TSHZ2: variants seen among roughly 807,000 people sequenced by gnomAD.
The protein encoded by TSHZ2 is teashirt zinc finger homeobox 2, also known as teashirt homolog 2.
TSHZ2 carries 21 observed loss-of-function variants against 74.4 expected under a neutral mutation model. That is an observed-to-expected ratio of 0.28 (90% CI 0.20 to 0.41). The LOEUF (loss-of-function observed/expected upper bound fraction) is 0.41. TSHZ2 is among the 10% of genes least tolerant of loss of function. The pLI is 1.00. For synonymous variants in TSHZ2, 540 were observed against 515.3 expected (o/e 1.05, Z -0.65); for missense variants, 1,244 against 1,293.5 (o/e 0.96, Z 0.59).
Position 53,254,307 on chromosome 20 carries a change from C to G in TSHZ2, c.849C>G (p.Ser283=). 1.2e-6 allele frequency: 2 copies of G among 1,614,138 alleles called. No individual in the cohort carries two copies. Among genetic ancestry groups the G allele is most frequent in the Middle Eastern group, 1.6e-4 (1 of 6,062 alleles). Residue 283 remains serine, a synonymous_variant, in exon 2 of 3, where the codon TCC becomes TCG. Transcript: ENST00000371497. ...KVLKCMFCGD[S]FDSLQDLSVH... Reference sequence around the variant, plus strand: ...TGAAATGTATGTTTTGTGGCGACTCCTTTGATTCCCTCCAAGATTTGAGCG... The same window carrying G: ...TGAAATGTATGTTTTGTGGCGACTCGTTTGATTCCCTCCAAGATTTGAGCG...
intron 1 of TSHZ2, among the ~76,000 whole-genome samples, chr20:53,108,960 C>T (rs896212594): frequency 7.2e-5 from 11 of 152,168 alleles, no homozygotes; most frequent in African/African-American, 2.7e-4. Context: ...CCTCCACCCT[C>T]TACCCTCCAA....
At chr20:53,245,836 G>T (rs1230245716) in intron 1 of TSHZ2, among the ~76,000 whole-genome samples, 1 of 152,108 alleles carries the variant, frequency 6.6e-6, no homozygotes, top group Non-Finnish European at 1.5e-5. Context: ...GAAGAAATAG[G>T]TCAAAGAGCT....
At chr20:53,383,840 A>G (rs757936656) in intron 2 of TSHZ2, among the ~76,000 whole-genome samples, 6 of 152,176 alleles carry the variant, frequency 3.9e-5, no homozygotes, top group Non-Finnish European at 1.5e-5. Flanking sequence ...CGCTCCATCT[A>G]TTTAAGCTTG....
At chr20:53,349,852 T>G (rs169270) in intron 2 of TSHZ2, among the ~76,000 whole-genome samples, 105,556 of 152,098 alleles carry the variant, frequency 0.69, 37,553 homozygotes, top group African/African-American at 0.86. Context: ...TCATTATCTT[T>G]CAGTTCCAGA....
chr20:53,331,574 C>T (rs868821528), intron 2 of TSHZ2, among the ~76,000 whole-genome samples: 49 of 152,088 alleles, frequency 3.2e-4, no homozygotes, highest in African/African-American at 1.1e-3. Flanking sequence ...AAGAGCCAGG[C>T]GTAGAGAATG....
intron 2 of TSHZ2, among the ~76,000 whole-genome samples, chr20:53,366,576 T>C (rs1981266451): frequency 6.6e-6 from 1 of 152,204 alleles, no homozygotes; most frequent in African/African-American, 2.4e-5. Flanking sequence ...GTCTGTTCTC[T>C]TCGCCCAACG....
intron 1 of TSHZ2, among the ~76,000 whole-genome samples, chr20:52,978,235 G>T (rs1439420899): frequency 6.6e-6 from 1 of 152,102 alleles, no homozygotes; most frequent in African/African-American, 2.4e-5. Flanking sequence ...CATGGGGGTG[G>T]GGGCACAGAC....
intron 1 of TSHZ2, among the ~76,000 whole-genome samples, chr20:53,232,657 G>A (rs1409103457): frequency 6.6e-6 from 1 of 152,092 alleles, no homozygotes; most frequent in Non-Finnish European, 1.5e-5. Context: ...TGGAGCCCAG[G>A]AGTTAGAGGC....
At chr20:53,112,208 A>T (rs1986553459) in intron 1 of TSHZ2, among the ~76,000 whole-genome samples, 1 of 152,182 alleles carries the variant, frequency 6.6e-6, no homozygotes, top group Admixed American at 6.5e-5. Context: ...GAGCAGGGAG[A>T]GCAGAACCAC....
chr20:53,068,197 G>T (rs1454723084), intron 1 of TSHZ2, among the ~76,000 whole-genome samples: 1 of 152,104 alleles, frequency 6.6e-6, no homozygotes, highest in Non-Finnish European at 1.5e-5. Flanking sequence ...GGGTACCAGG[G>T]GTTAGAACTT....
At chr20:53,239,564 G>A (rs992782817) in intron 1 of TSHZ2, among the ~76,000 whole-genome samples, 1 of 151,964 alleles carries the variant, frequency 6.6e-6, no homozygotes, top group African/African-American at 2.4e-5. Context: ...TCCAGCAGTA[G>A]AGAAGACCTT....
At chr20:53,068,946 C>T (rs567957358) in intron 1 of TSHZ2, among the ~76,000 whole-genome samples, 23 of 150,934 alleles carry the variant, frequency 1.5e-4, no homozygotes, top group Middle Eastern at 3.4e-3. Context: ...CTAAGAACCC[C>T]GTTTTTCTTA....
intron 1 of TSHZ2, among the ~76,000 whole-genome samples, chr20:53,162,442 T>C (rs981791874): frequency 6.6e-6 from 1 of 152,216 alleles, no homozygotes; most frequent in Non-Finnish European, 1.5e-5. Context: ...GCTTCCTCTT[T>C]TGTATCTTTC....
intron 1 of TSHZ2, among the ~76,000 whole-genome samples, chr20:53,223,876 T>TG (rs1989620752): frequency 1.4e-5 from 2 of 147,698 alleles, no homozygotes; most frequent in East Asian, 2.0e-4. Flanking sequence ...TCTACACATG[T>TG]GAAAAAAATG....
intron 2 of TSHZ2, among the ~76,000 whole-genome samples, chr20:53,484,654 G>C (rs1348423716): frequency 1.3e-5 from 2 of 152,078 alleles, no homozygotes; most frequent in Non-Finnish European, 2.9e-5. Context: ...CCAAGGTGCT[G>C]GGATTACAGG....
At chr20:53,386,108 C>A (rs1161568427) in intron 2 of TSHZ2, among the ~76,000 whole-genome samples, 2 of 152,232 alleles carry the variant, frequency 1.3e-5, no homozygotes, top group Admixed American at 6.5e-5. Flanking sequence ...ACAGAACTCA[C>A]CCCTCACCTC....
intron 1 of TSHZ2, among the ~76,000 whole-genome samples, chr20:53,243,256 G>T (rs1568830750): frequency 6.6e-6 from 1 of 152,170 alleles, no homozygotes; most frequent in Non-Finnish European, 1.5e-5. Context: ...ACAAGGAGAA[G>T]AATTTTCGCT....
rs6097286 is a variant in TSHZ2 at position 53,185,627 on chromosome 20, G to T, written c.41-67872G>T. 27 of 1,533,806 alleles carry T rather than the reference G, an allele frequency of 1.8e-5. No homozygotes were observed. In the South Asian group the frequency reaches 3.0e-4, roughly 17 times the overall value. On this transcript the variant is annotated intron_variant, in intron 1 of 2. Coordinates refer to ENST00000371497, the MANE Select transcript of TSHZ2 (RefSeq NM_173485.6). The stretch of plus-strand genomic sequence containing the variant: ...AGAGCAAGACTCCATCTCAAAAAAA[G>T]AAAAAAAAGAAAGAAAAGATGATGG...
At position 53,255,265 on chromosome 20, in the gene TSHZ2, G is replaced by A. The variant is rs1403886559; in HGVS notation, c.1807G>A (p.Glu603Lys). 1 of 1,614,206 alleles carries A rather than the reference G, an allele frequency of 6.2e-7. No individual in the cohort carries two copies. Among genetic ancestry groups the A allele is most frequent in the South Asian group, 1.1e-5 (1 of 91,090 alleles). ...HLAPYTQVKK[E>K]SEDKDEAVKE... ...GGCCCCTTACACTCAAGTCAAGAAA[G>A]AGTCAGAAGACAAAGATGAAGCGGT... Residue 603 changes from glutamate (E) to lysine (K), a missense_variant, in exon 2 of 3, where the codon GAG becomes AAG. Glu to Lys is a moderately conservative substitution (Grantham distance 56). This residue lies in a region of TSHZ2 where 562 missense variants were observed against 544.0 expected (regional missense o/e 1.03). Coordinates refer to ENST00000371497, the MANE Select transcript of TSHZ2 (RefSeq NM_173485.6). This position sits in a 1 kb window ranked among gnomAD's most constrained non-coding sequence, Gnocchi z 4.1.
Sources: allele counts gnomAD v4.1 joint callset (sites outside exome capture counted in the v4.1 genomes callset), GRCh38; gene constraint gnomAD v4.1.1; regional missense constraint gnomAD v4.1.1; non-coding constraint Gnocchi (gnomAD v3.1); transcripts MANE v1.5; gene names NCBI Gene and HGNC (gene_info 2026-07-23, HGNC 2026-07-21).